TUB: variants seen among roughly 807,000 people sequenced by gnomAD.
TUB encodes the protein TUB bipartite transcription factor, also known as tubby protein homolog.
In TUB, 33 loss-of-function variants were observed where a neutral mutation model predicts 59.7. The observed-to-expected ratio is 0.55, with a 90% CI of 0.42 to 0.74. The LOEUF (loss-of-function observed/expected upper bound fraction) is 0.74, where lower values mean the gene tolerates loss of function less well. TUB is among the 30% of genes least tolerant of loss of function. The pLI is 0.00. For synonymous variants in TUB, 293 were observed against 256.4 expected (o/e 1.14, Z -1.36); for missense variants, 659 against 672.0 (o/e 0.98, Z 0.21).
In TUB at chr11:8,096,747, T is replaced by A; in HGVS notation, c.628T>A (p.Ser210Thr). ...EEDEEENSSS[S>T]SQLNSNTRPS... is the part of the protein sequence containing the mutation. ...GGATGAGGAGGAGAATAGCTCCAGCTCCTCCCAGCTAAATAGTAACACCCG... is the reference window on the plus strand; with the variant it reads ...GGATGAGGAGGAGAATAGCTCCAGCACCTCCCAGCTAAATAGTAACACCCG... The change falls in exon 6 of 12, where the codon TCC becomes ACC. Residue 210 changes from serine (S) to threonine (T), a missense_variant. Physicochemically the swap from Ser to Thr is moderately conservative, Grantham distance 58. This residue lies in a region of TUB where 321 missense variants were observed against 304.3 expected (regional missense o/e 1.05). Coordinates refer to ENST00000299506, the MANE Select transcript of TUB (RefSeq NM_177972.3). 1.2e-6 allele frequency: 2 copies of A among 1,614,050 alleles called. No homozygotes were observed. Among genetic ancestry groups the A allele is most frequent in the Non-Finnish European group, 1.7e-6 (2 of 1,179,978 alleles).
intron 2 of TUB, among the ~76,000 whole-genome samples, chr11:8,074,739 C>CT (rs1157516500): frequency 1.4e-3 from 85 of 60,638 alleles, no homozygotes; most frequent in African/African-American, 2.8e-3. Context: ...GACCTCGTGT[C>CT]TTTTTTTTTT....
chr11:8,097,458 C>T lies in TUB; in HGVS notation c.885+33C>T, dbSNP rs763735544. On this transcript the variant is annotated intron_variant, in intron 7 of 11. Transcript: ENST00000299506. ...TGGTCTGGGCATGTTATCATCTAGG[C>T]TTTACAGCCCTTTGAAATCCTAGGG... is the stretch of plus-strand genomic sequence containing the variant. 1.9e-6 allele frequency: 3 copies of T among 1,613,122 alleles called. No homozygotes were observed. In the South Asian group the frequency reaches 3.3e-5, roughly 18 times the overall value.
intron 1 of TUB, among the ~76,000 whole-genome samples, chr11:8,086,648 C>T (rs548573735): frequency 1.3e-5 from 2 of 152,288 alleles, no homozygotes; most frequent in East Asian, 3.9e-4. Context: ...GAATCGTGCC[C>T]ACTCTCAGAG....
chr11:8,036,702 T>A (rs1042787532), upstream of TUB, among the ~76,000 whole-genome samples: 1 of 152,232 alleles, frequency 6.6e-6, no homozygotes, highest in African/African-American at 2.4e-5. Context: ...TCAAAAGGGC[T>A]GCCTGCCCCA....
At chr11:8,032,506 G>A (rs181314001) in intron 1 of TUB, among the ~76,000 whole-genome samples, 135 of 152,282 alleles carry the variant, frequency 8.9e-4, no homozygotes, top group African/African-American at 3.2e-3. Flanking sequence ...CACATCTATC[G>A]GCTTAAATGT....
intron 2 of TUB, among the ~76,000 whole-genome samples, chr11:8,061,567 C>T (rs1048918845): frequency 1.3e-5 from 2 of 152,110 alleles, no homozygotes; most frequent in African/African-American, 4.8e-5. Context: ...GCCCTGGGAT[C>T]CTGGGGTGCA....
intron 1 of TUB, among the ~76,000 whole-genome samples, chr11:8,087,343 G>C (rs917009852): frequency 1.3e-5 from 2 of 152,350 alleles, no homozygotes; most frequent in South Asian, 4.1e-4. Flanking sequence ...GGCTGGGGAT[G>C]GCCCAGGTGA....
intron 2 of TUB, among the ~76,000 whole-genome samples, chr11:8,074,370 G>A (rs529557023): frequency 5.3e-5 from 8 of 152,176 alleles, no homozygotes; most frequent in Admixed American, 2.6e-4. Context: ...CAGCTGGTGG[G>A]GCTTTTTTAT....
chr11:8,021,378 G>C (rs1208018689), intron 1 of TUB, among the ~76,000 whole-genome samples: 3 of 152,176 alleles, frequency 2.0e-5, no homozygotes, highest in Non-Finnish European at 4.4e-5. Context: ...GCTGAGGCTG[G>C]AGGATTGCTT....
chr11:8,100,524 A>C lies in TUB; in HGVS notation c.1138A>C (p.Lys380Gln). 6.2e-7 allele frequency: 1 copy of C among 1,614,106 alleles called. No individual in the cohort carries two copies. Residue 380 changes from lysine to glutamine, a missense_variant, in exon 10 of 12, where the codon AAG becomes CAG. Physicochemically the swap from Lys to Gln is moderately conservative, Grantham distance 53. Coordinates refer to ENST00000299506, the MANE Select transcript of TUB (RefSeq NM_177972.3). ...CCAGGAGACAAACGTCTTAGGCTTCAAGGGGCCTCGGAAGATGAGCGTGAT... is the reference window on the plus strand; with the variant it reads ...CCAGGAGACAAACGTCTTAGGCTTCCAGGGGCCTCGGAAGATGAGCGTGAT... The part of the protein sequence containing the change: ...VCYETNVLGF[K>Q]GPRKMSVIVP...
At chr11:8,033,752 A>G (rs1942608109), upstream of TUB, among the ~76,000 whole-genome samples, 1 of 152,220 alleles carries the variant, frequency 6.6e-6, no homozygotes, top group Non-Finnish European at 1.5e-5. Context: ...TCATCCCACC[A>G]TAGTTTGTCT....
intron 1 of TUB, chr11:8,039,139 G>T (rs918401745): frequency 7.4e-7 from 1 of 1,351,840 alleles, no homozygotes; most frequent in South Asian, 1.5e-5. Flanking sequence ...TCCCCTTCCT[G>T]ATGGTGCTGC....
At chr11:8,099,674 A>G (rs977530757) in intron 9 of TUB, among the ~76,000 whole-genome samples, 3 of 152,236 alleles carry the variant, frequency 2.0e-5, no homozygotes, top group Non-Finnish European at 2.9e-5. Context: ...TGAAGTAAGT[A>G]TGTTCTTTAT....
chr11:8,057,751 C>T (rs1589938160), intron 2 of TUB, among the ~76,000 whole-genome samples: 1 of 152,008 alleles, frequency 6.6e-6, no homozygotes, highest in Admixed American at 6.6e-5. Flanking sequence ...TAACCTTAAA[C>T]GAGGCCTGTT....
chr11:8,076,901 A>G (rs142693171), upstream of TUB: 4 of 151,962 alleles, frequency 2.6e-5, no homozygotes, highest in Non-Finnish European at 5.9e-5. Context: ...GTTGACCTAC[A>G]TTTTTTTTCA....
At position 8,105,538 on chromosome 11, in the gene TUB, T is replaced by G. The variant is rs1486466070; in HGVS notation, c.*3919T>G. 1 of 152,238 alleles carries G rather than the reference T, an allele frequency of 6.6e-6. No homozygotes were observed. The highest frequency in any genetic ancestry group is 6.5e-5 in the Admixed American group (1 of 15,292). 9.4% of individuals were successfully genotyped at this position (152,238 alleles called of 1,614,324 possible). ...CAAGTGGAAAGGCAAGTTGGTCTTA[T>G]AGAAAGCACTACTGCACTTAGTAGC... On this transcript the variant is annotated 3_prime_UTR_variant, in exon 12 of 12. Coordinates refer to ENST00000299506, the MANE Select transcript of TUB (RefSeq NM_177972.3).
intron 11 of TUB, 78 bp from the exon 12 acceptor site, chr11:8,101,408 G>C (rs1052474717): frequency 1.3e-6 from 2 of 1,561,548 alleles, no homozygotes; most frequent in Non-Finnish European, 1.8e-6. Context: ...CATGTGGTTT[G>C]GGTGTCTGTC....
intron 2 of TUB, among the ~76,000 whole-genome samples, chr11:8,062,478 A>G (rs1199175369): frequency 2.0e-5 from 3 of 151,306 alleles, no homozygotes; most frequent in African/African-American, 7.3e-5. Context: ...CAGATGCTCT[A>G]GGCTACTGGG....
intron 2 of TUB, among the ~76,000 whole-genome samples, chr11:8,059,426 C>G (rs1943080293): frequency 6.6e-6 from 1 of 152,156 alleles, no homozygotes; most frequent in Non-Finnish European, 1.5e-5. Context: ...AACAGTGCCT[C>G]TCGACATTTA....
Sources: allele counts gnomAD v4.1 joint callset (sites outside exome capture counted in the v4.1 genomes callset), GRCh38; gene constraint gnomAD v4.1.1; regional missense constraint gnomAD v4.1.1; transcripts MANE v1.5; gene names NCBI Gene and HGNC (gene_info 2026-07-23, HGNC 2026-07-21).